GPC6: variants seen among roughly 807,000 people sequenced by gnomAD.
GPC6 encodes the protein glypican 6, also known as glypican-6.
A neutral mutation model predicts 55.2 loss-of-function variants in GPC6; 14 were observed. The observed-to-expected ratio is 0.25, with a 90% CI of 0.17 to 0.40. The LOEUF is 0.40. Among genes scored for constraint, GPC6 ranks in the 10% least tolerant of loss-of-function variants. GPC6 has a pLI of 1.00. For synonymous variants in GPC6, 278 were observed against 259.6 expected, an observed-to-expected ratio of 1.07 and a Z score of -0.68; for missense variants, 641 against 708.5, an observed-to-expected ratio of 0.90 and a Z score of 1.08.
At chr13:93,815,126 A>G (rs1886808915) in intron 2 of GPC6, among the ~76,000 whole-genome samples, 1 of 152,200 alleles carries the variant, frequency 6.6e-6, no homozygotes, top group Non-Finnish European at 1.5e-5. Context: ...CTTGTAAACA[A>G]TGCTGATTGC....
intron 2 of GPC6, among the ~76,000 whole-genome samples, chr13:93,560,072 G>A (rs1875690761): frequency 6.6e-6 from 1 of 152,094 alleles, no homozygotes; most frequent in African/African-American, 2.4e-5. Flanking sequence ...TAAAAACAGT[G>A]CAACAGTCTT....
chr13:93,496,343 G>T (rs1017695607), intron 1 of GPC6, among the ~76,000 whole-genome samples: 1 of 152,144 alleles, frequency 6.6e-6, no homozygotes, highest in Admixed American at 6.5e-5. Flanking sequence ...CTGACCCCTT[G>T]CGCTTCCCAA....
rs1456143726 is a variant in GPC6, at chr13:94,144,541, GTGTGTA to G, written c.877+116653_877+116658del. ...GGAAAAGATCATTCTTTGGGAGTGT[GTGTGTA>G]TGTGTGTGTGTGTGTGTGTGTGTGT... On this transcript the variant is annotated intron_variant, in intron 4 of 8. Transcript: ENST00000377047. Among the ~76,000 whole-genome samples, 311 of 64,236 alleles carry G rather than the reference GTGTGTA, an allele frequency of 4.8e-3. 1 individual carries two copies. The highest frequency in any genetic ancestry group is 0.024 in the East Asian group (33 of 1,396). 42.1% of individuals were successfully genotyped at this position (64,236 alleles called of 152,430 possible).
intron 1 of GPC6, among the ~76,000 whole-genome samples, chr13:93,447,719 T>C (rs1002575866): frequency 7.2e-5 from 11 of 152,220 alleles, no homozygotes; most frequent in Admixed American, 3.3e-4. Context: ...GATGAGTTTA[T>C]GTCTTGATAA....
intron 4 of GPC6, among the ~76,000 whole-genome samples, chr13:94,161,065 G>T (rs529646215): frequency 1.3e-5 from 2 of 152,284 alleles, no homozygotes; most frequent in Middle Eastern, 3.4e-3. Flanking sequence ...TATAATAGCA[G>T]CAGATGATGA....
chr13:93,708,469 G>C (rs966272460), intron 2 of GPC6, among the ~76,000 whole-genome samples: 13 of 151,848 alleles, frequency 8.6e-5, no homozygotes, highest in African/African-American at 2.9e-4. Context: ...CTTGTGTTTA[G>C]AGATATCTTT....
chr13:94,395,937 G>C (rs1290634948), intron 7 of GPC6, among the ~76,000 whole-genome samples: 1 of 152,192 alleles, frequency 6.6e-6, no homozygotes, highest in African/African-American at 2.4e-5. Context: ...TTGCCCACCA[G>C]CTTCCAGTTG....
intron 2 of GPC6, among the ~76,000 whole-genome samples, chr13:93,548,243 G>C (rs990471355): frequency 1.3e-5 from 2 of 151,990 alleles, no homozygotes; most frequent in African/African-American, 4.8e-5. Flanking sequence ...CTTTCTCAGA[G>C]GTCTTAATTT....
intron 4 of GPC6, among the ~76,000 whole-genome samples, chr13:94,176,923 G>T (rs1454751980): frequency 6.6e-6 from 1 of 152,142 alleles, no homozygotes; most frequent in Non-Finnish European, 1.5e-5. Context: ...CAGAACTTCC[G>T]CATGTGATGT....
chr13:93,462,839 T>C (rs1309139725), intron 1 of GPC6, among the ~76,000 whole-genome samples: 1 of 152,088 alleles, frequency 6.6e-6, no homozygotes, highest in Non-Finnish European at 1.5e-5. Context: ...GCGACTTCTT[T>C]GGTCCTGGCA....
At chr13:94,234,601 G>A (rs1436132247) in intron 4 of GPC6, among the ~76,000 whole-genome samples, 1 of 149,402 alleles carries the variant, frequency 6.7e-6, no homozygotes, top group African/African-American at 2.5e-5. Context: ...TGTCCAGATA[G>A]TTAGATCTCT....
chr13:93,615,580 CAACATAG>C (rs1878681034), intron 2 of GPC6, among the ~76,000 whole-genome samples: 1 of 152,128 alleles, frequency 6.6e-6, no homozygotes, highest in Non-Finnish European at 1.5e-5. Flanking sequence ...GATCACGCAT[CAACATAG>C]TTATCCTGGA....
intron 1 of GPC6, among the ~76,000 whole-genome samples, chr13:93,249,711 A>T (rs1187479991): frequency 6.6e-6 from 1 of 152,216 alleles, no homozygotes; most frequent in Non-Finnish European, 1.5e-5. Flanking sequence ...TAAGAGAAAA[A>T]CAGCCATGCG....
intron 4 of GPC6, among the ~76,000 whole-genome samples, chr13:94,168,667 T>G (rs1403354634): frequency 6.7e-6 from 1 of 148,314 alleles, no homozygotes; most frequent in East Asian, 1.9e-4. Flanking sequence ...TGTCCATATA[T>G]TATAAATACA....
At chr13:93,390,095 G>A (rs1875559611) in intron 1 of GPC6, among the ~76,000 whole-genome samples, 1 of 151,926 alleles carries the variant, frequency 6.6e-6, no homozygotes, top group Non-Finnish European at 1.5e-5. Flanking sequence ...AGAGGAACTT[G>A]GAGGGTGACA....
At chr13:94,176,377 CGAAGGAACAGTAACCTTCAGGGAG>C (rs1888770165) in intron 4 of GPC6, among the ~76,000 whole-genome samples, 1 of 152,042 alleles carries the variant, frequency 6.6e-6, no homozygotes. Flanking sequence ...ATCAGGTTCT[CGAAGGAACAGTAACCTTCAGGGAG>C]GAAGGTGAAA....
At chr13:94,251,815 A>G (rs892045572) in intron 4 of GPC6, among the ~76,000 whole-genome samples, 1 of 151,662 alleles carries the variant, frequency 6.6e-6, no homozygotes. Flanking sequence ...CAATTGTCTC[A>G]TGGATGTACG....
intron 1 of GPC6, among the ~76,000 whole-genome samples, chr13:93,473,878 C>G (rs1265483189): frequency 6.6e-6 from 1 of 152,124 alleles, no homozygotes; most frequent in Non-Finnish European, 1.5e-5. Context: ...TGGGTAGGTC[C>G]CACCTGGCTA....
intron 2 of GPC6, among the ~76,000 whole-genome samples, chr13:93,708,445 G>C (rs1340301093): frequency 1.3e-5 from 2 of 151,712 alleles, no homozygotes; most frequent in Non-Finnish European, 2.9e-5. Context: ...ATTGTGCTCA[G>C]TTTATTAAAT....
Sources: gnomAD v4.1 joint callset for allele counts (sites outside exome capture counted in the v4.1 genomes callset) on GRCh38, gnomAD v4.1.1 for gene constraint, MANE v1.5 for transcripts, NCBI Gene and HGNC (gene_info 2026-07-23, HGNC 2026-07-21) for gene names.